The following XKR9 variants were observed in gnomAD, a reference collection of about 807,000 sequenced individuals.
XKR9 encodes XK-related protein 9.
Under a neutral mutation model 32.0 loss-of-function variants are expected in XKR9, and 32 were observed. The observed-to-expected ratio is 1.00, with a 90% CI of 0.76 to 1.34. The LOEUF (loss-of-function observed/expected upper bound fraction) is 1.34, where lower values mean the gene tolerates loss of function less well. Ranked by LOEUF, XKR9 falls within the 40% of genes most tolerant of loss-of-function variation. XKR9 has a pLI of 0.00. For synonymous variants in XKR9, 168 were observed against 143.4 expected (o/e 1.17, Z -1.22); for missense variants, 546 against 429.7 (o/e 1.27, Z -2.39).
chr8:70,783,833 C>T (rs1375672094), intron 2 of XKR9, among the ~76,000 whole-genome samples: 1 of 152,066 alleles, frequency 6.6e-6, no homozygotes, highest in African/African-American at 2.4e-5. Flanking sequence ...TAATTTTACA[C>T]TTTCTAGTCT....
At chr8:71,017,318 A>G in the XKR9 span, among the ~76,000 whole-genome samples, 3 of 152,196 alleles carry the variant, frequency 2.0e-5, no homozygotes, top group African/African-American at 7.2e-5. Context: ...AATATTTTGA[A>G]TTGCTAACCA....
intron 2 of XKR9, among the ~76,000 whole-genome samples, chr8:70,766,107 T>G (rs1290292667): frequency 6.6e-6 from 1 of 152,192 alleles, no homozygotes; most frequent in African/African-American, 2.4e-5. Context: ...TGGTTCCATA[T>G]GAGACTTAAA....
At chr8:70,715,327 A>G (rs890369045) in intron 4 of XKR9, among the ~76,000 whole-genome samples, 3 of 152,186 alleles carry the variant, frequency 2.0e-5, no homozygotes, top group Non-Finnish European at 4.4e-5. Context: ...AGAGAAAGTA[A>G]GCAAGAATAG....
intron 4 of XKR9, among the ~76,000 whole-genome samples, chr8:70,725,997 T>C (rs1806456461): frequency 1.3e-5 from 2 of 152,222 alleles, no homozygotes; most frequent in Non-Finnish European, 2.9e-5. Context: ...TACATTTTCT[T>C]TCTACCCAGA....
the XKR9 span, among the ~76,000 whole-genome samples, chr8:70,988,033 G>A: frequency 9.7e-4 from 147 of 152,214 alleles, no homozygotes; most frequent in African/African-American, 2.8e-3. Context: ...GATGCAGGGC[G>A]CCAAACCCCT....
chr8:70,725,028 A>G (rs532880160), intron 4 of XKR9, among the ~76,000 whole-genome samples: 1 of 152,176 alleles, frequency 6.6e-6, no homozygotes, highest in Non-Finnish European at 1.5e-5. Flanking sequence ...GGGGAAGCAA[A>G]CACATCCTTC....
the XKR9 span, among the ~76,000 whole-genome samples, chr8:71,050,001 C>T: frequency 2.0e-5 from 3 of 151,878 alleles, no homozygotes; most frequent in Admixed American, 2.0e-4. Context: ...AAATATAAAA[C>T]ATGTGGGTGC....
rs1207950901 is a variant in XKR9 at position 70,734,331 on chromosome 8, T to C, written c.1029T>C (p.Phe343=). The C allele has an allele frequency of 6.2e-7, 1 of 1,612,444 alleles. No individual in the cohort carries two copies. The highest frequency in any genetic ancestry group is 1.1e-5 in the South Asian group (1 of 90,988). ...TTCTTATTGTTTATTATGGGAGTTT[T>C]CACCCAAACAGAAGTGCAGAAACAA... ...ILFLIVYYGS[F]HPNRSAETKC... is the part of the protein sequence containing the mutation. Residue 343 remains phenylalanine (F), a synonymous_variant, in exon 5 of 5, where the codon TTT becomes TTC. Coordinates refer to ENST00000408926, the MANE Select transcript of XKR9 (RefSeq NM_001011720.2).
downstream of XKR9, among the ~76,000 whole-genome samples, chr8:70,791,289 A>G (rs1322292604): frequency 6.6e-6 from 1 of 151,988 alleles, no homozygotes; most frequent in Non-Finnish European, 1.5e-5. Flanking sequence ...AACCTGAACA[A>G]CAGAGTGAGC....
At chr8:70,852,943 A>G in the XKR9 span, among the ~76,000 whole-genome samples, 1 of 152,146 alleles carries the variant, frequency 6.6e-6, no homozygotes, top group East Asian at 1.9e-4. Flanking sequence ...TGGCACATGT[A>G]TGCCTATGTA....
At chr8:70,855,610 T>A in the XKR9 span, among the ~76,000 whole-genome samples, 1 of 152,214 alleles carries the variant, frequency 6.6e-6, no homozygotes, top group Non-Finnish European at 1.5e-5. Flanking sequence ...ACGTTCAGAT[T>A]CAGGAAATAC....
the XKR9 span, among the ~76,000 whole-genome samples, chr8:70,836,119 A>G: frequency 6.6e-6 from 1 of 151,986 alleles, no homozygotes; most frequent in African/African-American, 2.4e-5. Flanking sequence ...TTTTTGGTGC[A>G]TTTGATGTCT....
At chr8:70,900,542 T>C in the XKR9 span, among the ~76,000 whole-genome samples, 15 of 151,904 alleles carry the variant, frequency 9.9e-5, no homozygotes, top group Non-Finnish European at 1.9e-4. Flanking sequence ...TGAGCCGAGA[T>C]CATGCCACTG....
chr8:70,747,488 C>T (rs1274949084), intron 2 of XKR9, among the ~76,000 whole-genome samples: 1 of 152,154 alleles, frequency 6.6e-6, no homozygotes, highest in African/African-American at 2.4e-5. Context: ...CCTGAGCTAG[C>T]ATAGTCAGCC....
the XKR9 span, among the ~76,000 whole-genome samples, chr8:70,858,321 AACAG>A: frequency 1.3e-5 from 2 of 152,272 alleles, no homozygotes; most frequent in African/African-American, 4.8e-5. Flanking sequence ...ATATACCAAT[AACAG>A]ACAAACAGAG....
At chr8:70,771,763 C>T (rs1807456857) in intron 2 of XKR9, among the ~76,000 whole-genome samples, 1 of 152,132 alleles carries the variant, frequency 6.6e-6, no homozygotes, top group African/African-American at 2.4e-5. Context: ...TGTAGCTTGA[C>T]CTCTTGAGAA....
chr8:70,800,322 C>CT, the XKR9 span, among the ~76,000 whole-genome samples: 1,138 of 151,260 alleles, frequency 7.5e-3, 7 homozygotes, highest in Non-Finnish European at 0.013. Context: ...CTAAAGTTTT[C>CT]TTTTTTTTTG....
chr8:71,023,807 G>A, the XKR9 span, among the ~76,000 whole-genome samples: 1 of 152,104 alleles, frequency 6.6e-6, no homozygotes, highest in South Asian at 2.1e-4. Flanking sequence ...GAAGGCACCA[G>A]TGGTGGTGGT....
At chr8:70,856,114 T>G in the XKR9 span, among the ~76,000 whole-genome samples, 2 of 152,146 alleles carry the variant, frequency 1.3e-5, no homozygotes, top group Non-Finnish European at 2.9e-5. Flanking sequence ...CAGGATCAAA[T>G]GCACACATAA....
Sources: allele counts gnomAD v4.1 joint callset (sites outside exome capture counted in the v4.1 genomes callset), GRCh38; gene constraint gnomAD v4.1.1; transcripts MANE v1.5; gene names NCBI Gene and HGNC (gene_info 2026-07-23, HGNC 2026-07-21).